Variants in OSBPL6 observed in about 807,000 individuals in gnomAD.
The protein encoded by OSBPL6 is oxysterol-binding protein-related protein 6.
In OSBPL6, 49 loss-of-function variants were observed where a neutral mutation model predicts 125.8. The observed-to-expected ratio is 0.39, with a 90% CI of 0.31 to 0.49. The LOEUF (loss-of-function observed/expected upper bound fraction) is 0.49, where lower values mean the gene tolerates loss of function less well. OSBPL6 is among the 20% of genes least tolerant of loss of function. OSBPL6 has a pLI of 0.88. For synonymous variants in OSBPL6, 394 were observed against 391.8 expected (o/e 1.01, Z -0.07); for missense variants, 986 against 1,135.4 (o/e 0.87, Z 1.89).
rs1235699058 is a variant in OSBPL6 at position 178,304,930 on chromosome 2, C to T, written c.-155-1100C>T. Among the ~76,000 whole-genome samples the T allele has an allele frequency of 2.0e-5, 3 of 152,330 alleles. No homozygotes were observed. The East Asian group carries it at 5.8e-4, about 29-fold the overall frequency. On this transcript the variant is annotated intron_variant, in intron 2 of 24. Coordinates refer to ENST00000190611, the MANE Select transcript of OSBPL6 (RefSeq NM_032523.4). Reference sequence around the variant, plus strand: ...CCCAGATCCATTAGTTCACCTCAGTCACTGTCTTCATAATGCCCATATATC... The same window carrying T: ...CCCAGATCCATTAGTTCACCTCAGTTACTGTCTTCATAATGCCCATATATC...
chr2:178,239,707 G>A (rs80280230), intron 1 of OSBPL6, among the ~76,000 whole-genome samples: 1 of 150,312 alleles, frequency 6.7e-6, no homozygotes, highest in African/African-American at 2.5e-5. Flanking sequence ...CTCACTGCAA[G>A]CTCTGCCTCC....
At chr2:178,371,590 A>G (rs1194356070) in intron 13 of OSBPL6, among the ~76,000 whole-genome samples, 1 of 152,142 alleles carries the variant, frequency 6.6e-6, no homozygotes, top group Non-Finnish European at 1.5e-5. Context: ...CATATATATT[A>G]ATTATGTGCT....
At chr2:178,251,828 ATGG>A (rs2091706582) in intron 1 of OSBPL6, among the ~76,000 whole-genome samples, 1 of 152,204 alleles carries the variant, frequency 6.6e-6, no homozygotes, top group African/African-American at 2.4e-5. Context: ...ACTACAAATG[ATGG>A]TGGCAGCAGC....
At chr2:178,330,156 A>G (rs1295709485) in intron 5 of OSBPL6, among the ~76,000 whole-genome samples, 1 of 152,144 alleles carries the variant, frequency 6.6e-6, no homozygotes, top group Non-Finnish European at 1.5e-5. Flanking sequence ...GGCCTTGCTA[A>G]TCTCTTTCCT....
At chr2:178,298,708 T>TG (rs1685990897) in intron 2 of OSBPL6, among the ~76,000 whole-genome samples, 2 of 148,874 alleles carry the variant, frequency 1.3e-5, no homozygotes, top group South Asian at 4.2e-4. Flanking sequence ...TTTTTTTTGT[T>TG]TTTTTTTTTT....
At chr2:178,197,322 G>A (rs1297765080) in intron 1 of OSBPL6, among the ~76,000 whole-genome samples, 2 of 152,154 alleles carry the variant, frequency 1.3e-5, no homozygotes, top group Admixed American at 6.5e-5. Context: ...AATGATGAAC[G>A]TAAAACTTAG....
At chr2:178,263,298 G>A (rs1224773641) in intron 1 of OSBPL6, among the ~76,000 whole-genome samples, 1 of 152,206 alleles carries the variant, frequency 6.6e-6, no homozygotes, top group Non-Finnish European at 1.5e-5. Flanking sequence ...GACGGACATG[G>A]TGAAACCCCA....
intron 1 of OSBPL6, among the ~76,000 whole-genome samples, chr2:178,218,835 G>A (rs2090210088): frequency 6.6e-6 from 1 of 151,812 alleles, no homozygotes; most frequent in Non-Finnish European, 1.5e-5. Flanking sequence ...TTGTCATGTT[G>A]TCCAGGCTAG....
chr2:178,246,713 A>G (rs1217703819), intron 1 of OSBPL6, among the ~76,000 whole-genome samples: 2 of 152,136 alleles, frequency 1.3e-5, no homozygotes, highest in African/African-American at 4.8e-5. Flanking sequence ...ACCTTGATGC[A>G]TTTATCTCAG....
chr2:178,291,107 GT>G (rs35976901), intron 2 of OSBPL6, among the ~76,000 whole-genome samples: 165 of 146,336 alleles, frequency 1.1e-3, no homozygotes, highest in African/African-American at 2.4e-3. Flanking sequence ...ACTATGAGGT[GT>G]TTTTTTTTTT....
chr2:178,324,109 C>A, intron 3 of OSBPL6, 68 bp from the exon 4 acceptor site: 1 of 1,010,076 alleles, frequency 9.9e-7, no homozygotes, highest in Middle Eastern at 2.2e-4. Context: ...TGTATGATTT[C>A]ATCCCCATGC....
intron 1 of OSBPL6, among the ~76,000 whole-genome samples, chr2:178,274,995 C>T (rs1277745104): frequency 6.6e-6 from 1 of 152,006 alleles, no homozygotes; most frequent in East Asian, 1.9e-4. Flanking sequence ...CAGATCTTTT[C>T]CCCAAGCAAT....
chr2:178,253,091 G>A (rs545276089), intron 1 of OSBPL6, among the ~76,000 whole-genome samples: 18 of 151,544 alleles, frequency 1.2e-4, no homozygotes, highest in African/African-American at 4.1e-4. Context: ...GCATGATCTC[G>A]GCTCACTGCA....
At chr2:178,246,932 A>G (rs1307175805) in intron 1 of OSBPL6, among the ~76,000 whole-genome samples, 1 of 152,186 alleles carries the variant, frequency 6.6e-6, no homozygotes, top group Non-Finnish European at 1.5e-5. Flanking sequence ...CCTTGCATGC[A>G]GTAGACTTGA....
chr2:178,363,735 A>G (rs1018094626), intron 13 of OSBPL6, among the ~76,000 whole-genome samples: 44 of 152,342 alleles, frequency 2.9e-4, no homozygotes, highest in Non-Finnish European at 5.7e-4. Flanking sequence ...CTCTCTTGTC[A>G]ACACATATTT....
intron 22 of OSBPL6, 86 bp downstream of exon 22, chr2:178,391,303 A>C: frequency 1.2e-5 from 17 of 1,371,558 alleles, no homozygotes; most frequent in Non-Finnish European, 1.6e-5. Flanking sequence ...TATGCAACTC[A>C]CATTATGTTT....
At chr2:178,324,819 T>C (rs1435330138) in intron 4 of OSBPL6, among the ~76,000 whole-genome samples, 3 of 152,134 alleles carry the variant, frequency 2.0e-5, no homozygotes, top group Non-Finnish European at 2.9e-5. Flanking sequence ...CTATCAAGGA[T>C]TATAGCAGAG....
intron 3 of OSBPL6, among the ~76,000 whole-genome samples, chr2:178,312,647 G>A (rs1687393057): frequency 6.6e-6 from 1 of 151,744 alleles, no homozygotes; most frequent in Non-Finnish European, 1.5e-5. Context: ...GTAGAGATGG[G>A]GTTTCACTAC....
At chr2:178,328,654 A>AT (rs879865786) in intron 5 of OSBPL6, among the ~76,000 whole-genome samples, 3 of 151,904 alleles carry the variant, frequency 2.0e-5, no homozygotes, top group Non-Finnish European at 4.4e-5. Context: ...TGCCTGACTA[A>AT]TTTTTTTATT....
Sources: gnomAD v4.1 joint callset for allele counts (sites outside exome capture counted in the v4.1 genomes callset) on GRCh38, gnomAD v4.1.1 for gene constraint, MANE v1.5 for transcripts, NCBI Gene and HGNC (gene_info 2026-07-23, HGNC 2026-07-21) for gene names.